Variants in SPOCK3 observed in about 807,000 individuals in gnomAD.
The protein encoded by SPOCK3 is SPARC (osteonectin), cwcv and kazal like domains proteoglycan 3.
Under a neutral mutation model 56.6 loss-of-function variants are expected in SPOCK3, and 30 were observed. The ratio of observed to expected loss-of-function variants is 0.53; its 90% confidence interval spans 0.40 to 0.72. SPOCK3 has a LOEUF of 0.72. Among genes scored for constraint, SPOCK3 ranks in the 30% least tolerant of loss-of-function variants. SPOCK3 has a pLI of 0.00. For synonymous variants in SPOCK3, 196 were observed against 183.3 expected, an observed-to-expected ratio of 1.07 and a Z score of -0.56; for missense variants, 527 against 530.0, an observed-to-expected ratio of 0.99 and a Z score of 0.06.
At chr4:166,942,619 T>C (rs1409880452) in intron 4 of SPOCK3, among the ~76,000 whole-genome samples, 1 of 152,124 alleles carries the variant, frequency 6.6e-6, no homozygotes, top group African/African-American at 2.4e-5. Flanking sequence ...ATGGATACTA[T>C]TCTCTTGAGG....
At chr4:167,177,475 G>A (rs1191821405) in intron 2 of SPOCK3, among the ~76,000 whole-genome samples, 1 of 152,016 alleles carries the variant, frequency 6.6e-6, no homozygotes, top group Non-Finnish European at 1.5e-5. Flanking sequence ...TGGCAGTGAG[G>A]GATGTACGTG....
intron 2 of SPOCK3, among the ~76,000 whole-genome samples, chr4:167,073,888 A>G (rs1198761590): frequency 1.3e-5 from 2 of 151,820 alleles, no homozygotes; most frequent in East Asian, 1.9e-4. Context: ...TATATCCTTT[A>G]TTATCTCTTT....
At chr4:166,975,434 C>A (rs1178993928) in intron 4 of SPOCK3, among the ~76,000 whole-genome samples, 1 of 152,104 alleles carries the variant, frequency 6.6e-6, no homozygotes, top group Non-Finnish European at 1.5e-5. Flanking sequence ...TACAGGCATA[C>A]CATGTGCACT....
intron 2 of SPOCK3, among the ~76,000 whole-genome samples, chr4:167,201,074 G>T (rs1361501099): frequency 6.6e-6 from 1 of 151,856 alleles, no homozygotes; most frequent in African/African-American, 2.4e-5. Flanking sequence ...TCTCTTTGGT[G>T]GCATGATGGA....
chr4:166,944,700 A>C, intron 4 of SPOCK3, among the ~76,000 whole-genome samples: 1 of 151,776 alleles, frequency 6.6e-6, no homozygotes, highest in East Asian at 1.9e-4. Context: ...ATTACATATT[A>C]TTTTTGTCAC....
chr4:166,774,967 C>G (rs1426182597), intron 7 of SPOCK3, among the ~76,000 whole-genome samples: 2 of 152,122 alleles, frequency 1.3e-5, no homozygotes, highest in East Asian at 3.9e-4. Context: ...CATAGCAGTA[C>G]CTAGACTACT....
chr4:167,122,935 A>G (rs1226844734), intron 2 of SPOCK3, among the ~76,000 whole-genome samples: 1 of 151,998 alleles, frequency 6.6e-6, no homozygotes, highest in Non-Finnish European at 1.5e-5. Flanking sequence ...GGTAACTAGC[A>G]CTAAACACTA....
intron 6 of SPOCK3, among the ~76,000 whole-genome samples, chr4:166,797,998 G>C (rs1742147576): frequency 6.6e-6 from 1 of 152,130 alleles, no homozygotes; most frequent in Non-Finnish European, 1.5e-5. Context: ...TTACAATGGA[G>C]CTGAAACATT....
chr4:166,832,819 C>T (rs1279523673), intron 6 of SPOCK3, among the ~76,000 whole-genome samples: 2 of 152,118 alleles, frequency 1.3e-5, no homozygotes, highest in African/African-American at 2.4e-5. Flanking sequence ...CCAAATAGTG[C>T]ATATTCTCAC....
chr4:167,113,242 A>G (rs973478817), intron 2 of SPOCK3, among the ~76,000 whole-genome samples: 1 of 152,168 alleles, frequency 6.6e-6, no homozygotes, highest in Non-Finnish European at 1.5e-5. Context: ...ATTGCTACTT[A>G]GATTCGTATT....
At chr4:167,004,627 A>C (rs1749288068) in intron 3 of SPOCK3, among the ~76,000 whole-genome samples, 1 of 152,206 alleles carries the variant, frequency 6.6e-6, no homozygotes. Context: ...TGAGAGAGAA[A>C]GAATAAGAAC....
chr4:167,074,868 T>C (rs1232624444), intron 2 of SPOCK3, among the ~76,000 whole-genome samples: 1 of 151,852 alleles, frequency 6.6e-6, no homozygotes, highest in Non-Finnish European at 1.5e-5. Flanking sequence ...CTTTAAAAAA[T>C]TTTCATGGAT....
chr4:167,105,113 T>G (rs556869235), intron 2 of SPOCK3, among the ~76,000 whole-genome samples: 1 of 151,594 alleles, frequency 6.6e-6, no homozygotes, highest in Non-Finnish European at 1.5e-5. Flanking sequence ...GCTAGAGAGT[T>G]TTTCAGTCAG....
At position 167,036,634 on chromosome 4, in the gene SPOCK3, C is replaced by T. The variant is rs1752782840; in HGVS notation, c.235+25858G>A. On this transcript the variant is annotated intron_variant, in intron 3 of 10. Transcript: ENST00000357545. ...TTAAATTTTTTAACGGAATAGTCTA[C>T]TTTTAAATTCTATGTTTTTTTACTC... Among the ~76,000 whole-genome samples, 3 of 152,024 alleles carry T rather than the reference C, an allele frequency of 2.0e-5. No individual in the cohort carries two copies. In the South Asian group the frequency reaches 6.2e-4, roughly 32 times the overall value.
At chr4:166,747,390 A>G (rs1018249664) in intron 8 of SPOCK3, among the ~76,000 whole-genome samples, 1 of 152,174 alleles carries the variant, frequency 6.6e-6, no homozygotes, top group Non-Finnish European at 1.5e-5. Flanking sequence ...AAACCATATG[A>G]TTATCTCAAT....
intron 2 of SPOCK3, among the ~76,000 whole-genome samples, chr4:167,212,327 C>T (rs990544405): frequency 3.3e-5 from 5 of 149,528 alleles, no homozygotes; most frequent in Admixed American, 6.6e-5. Context: ...CAGCAACCTC[C>T]GCCTTCCAGT....
intron 6 of SPOCK3, among the ~76,000 whole-genome samples, chr4:166,799,817 A>AC (rs775957033): frequency 8.6e-5 from 13 of 151,496 alleles, no homozygotes; most frequent in Non-Finnish European, 1.9e-4. Flanking sequence ...AAGAAGAGGA[A>AC]CCCCCCGACA....
chr4:167,014,034 A>C (rs114367900), intron 3 of SPOCK3, among the ~76,000 whole-genome samples: 1,946 of 152,244 alleles, frequency 0.013, 21 homozygotes, highest in Non-Finnish European at 0.019. Context: ...GCACATAGAA[A>C]GCATTATATT....
chr4:166,860,819 A>ATATATATATATATATG (rs1240242462), intron 6 of SPOCK3, among the ~76,000 whole-genome samples: 7 of 144,756 alleles, frequency 4.8e-5, no homozygotes, highest in African/African-American at 1.8e-4. Context: ...ATATATATGT[A>ATATATATATATATATG]TATATATATA....
Sources: allele counts gnomAD v4.1 joint callset (sites outside exome capture counted in the v4.1 genomes callset), GRCh38; gene constraint gnomAD v4.1.1; transcripts MANE v1.5; gene names NCBI Gene and HGNC (gene_info 2026-07-23, HGNC 2026-07-21).